ECE1: variants seen among roughly 807,000 people sequenced by gnomAD.
ECE1 encodes endothelin-converting enzyme 1.
A neutral mutation model predicts 98.6 loss-of-function variants in ECE1; 35 were observed. The observed-to-expected ratio is 0.35, with a 90% CI of 0.27 to 0.47. The LOEUF (loss-of-function observed/expected upper bound fraction) is 0.47. Ranked by LOEUF, ECE1 falls within the 20% of genes least tolerant of loss-of-function variation. ECE1 has a pLI of 1.00. For missense variants in ECE1, 814 were observed against 1,025.3 expected (o/e 0.79, Z 2.81); for synonymous variants, 394 against 407.1 (o/e 0.97, Z 0.39).
chr1:21,334,163 T>C (rs549918440), intron 1 of ECE1, among the ~76,000 whole-genome samples: 1 of 152,276 alleles, frequency 6.6e-6, no homozygotes, highest in South Asian at 2.1e-4. Flanking sequence ...GTCTAAGTCC[T>C]GCCTCTAACC....
At chr1:21,271,209 C>T (rs545405965) in intron 4 of ECE1, among the ~76,000 whole-genome samples, 17 of 152,230 alleles carry the variant, frequency 1.1e-4, no homozygotes, top group East Asian at 1.9e-4. Flanking sequence ...CAGGAGCTGT[C>T]GGAGGCCAGG....
chr1:21,242,960 C>T (rs577261313), intron 10 of ECE1, among the ~76,000 whole-genome samples: 2 of 152,280 alleles, frequency 1.3e-5, no homozygotes, highest in African/African-American at 4.8e-5. Context: ...ACTTTTTTAT[C>T]TTGCAAATCT....
chr1:21,280,450 G>C (rs1008984862), intron 2 of ECE1, among the ~76,000 whole-genome samples: 2 of 152,170 alleles, frequency 1.3e-5, no homozygotes, highest in African/African-American at 4.8e-5. Context: ...AGAATAAGTA[G>C]GAGCTGGCCA....
chr1:21,233,503 G>A lies in ECE1; in HGVS notation c.1670+55C>T. On this transcript the variant is annotated intron_variant, in intron 14 of 18. Transcript: ENST00000374893. The surrounding 1 kb of genome is among the most constrained non-coding windows in gnomAD (Gnocchi z 4.0). Reference sequence around the variant, plus strand: ...GCAATGAAGGCCAGTTCGTCCCAAGGCTTGCCCACAGGTGGGGAGCTGGCA... The same window carrying A: ...GCAATGAAGGCCAGTTCGTCCCAAGACTTGCCCACAGGTGGGGAGCTGGCA... The A allele has an allele frequency of 6.5e-7, 1 of 1,549,428 alleles. No homozygotes were observed. The highest frequency in any genetic ancestry group is 1.7e-5 in the Admixed American group (1 of 59,534).
chr1:21,288,979 G>C (rs1558416116), intron 2 of ECE1, among the ~76,000 whole-genome samples: 1 of 152,106 alleles, frequency 6.6e-6, no homozygotes, highest in Non-Finnish European at 1.5e-5. Flanking sequence ...GGGTCCCCTG[G>C]GCCTATGTGA....
At chr1:21,279,628 T>C (rs1569630926) in intron 2 of ECE1, 1 of 1,426,456 alleles carries the variant, frequency 7.0e-7, no homozygotes, top group East Asian at 2.5e-5. Flanking sequence ...CTTTTCCCTG[T>C]TTCTCCAGTG....
At chr1:21,221,494 C>T (rs1198226829) in intron 18 of ECE1, among the ~76,000 whole-genome samples, 2 of 152,126 alleles carry the variant, frequency 1.3e-5, no homozygotes, top group Non-Finnish European at 2.9e-5. Flanking sequence ...TTTAAGAAAC[C>T]TCTAGAACCC....
In ECE1 at chr1:21,227,972, G is replaced by T. The variant is rs756193202; in HGVS notation, c.1740C>A (p.Ala580=). 1.6e-5 allele frequency: 25 copies of T among 1,560,038 alleles called. No homozygotes were observed. The highest frequency in any genetic ancestry group is 1.9e-5 in the Non-Finnish European group (22 of 1,150,860). ...TGTAGAATGGTGCCTGCAGGATCCC[G>T]GCCGGAAACACAATCTCATTCTTGG... ...SPTKNEIVFP[A]GILQAPFYTR... The change falls in exon 15 of 19, where the codon GCC becomes GCA. Residue 580 remains alanine, a synonymous_variant. Transcript: ENST00000374893.
At chr1:21,309,221 C>T (rs916067495) in intron 1 of ECE1, among the ~76,000 whole-genome samples, 3 of 152,198 alleles carry the variant, frequency 2.0e-5, no homozygotes, top group Non-Finnish European at 4.4e-5. Flanking sequence ...GAACCCTGGG[C>T]TGGAGTCAGG....
intron 1 of ECE1, among the ~76,000 whole-genome samples, chr1:21,297,095 G>A (rs540143015): frequency 6.6e-6 from 1 of 152,222 alleles, no homozygotes; most frequent in African/African-American, 2.4e-5. Flanking sequence ...GCGTGGCCCC[G>A]AGTCCCAGGG....
intron 10 of ECE1, among the ~76,000 whole-genome samples, chr1:21,241,964 C>T (rs1173208743): frequency 2.0e-5 from 3 of 152,174 alleles, no homozygotes; most frequent in African/African-American, 7.2e-5. Context: ...GACCTGGCTG[C>T]AATTTTTTTT....
At chr1:21,338,854 G>A (rs1569791288) in intron 1 of ECE1, among the ~76,000 whole-genome samples, 1 of 152,182 alleles carries the variant, frequency 6.6e-6, no homozygotes, top group East Asian at 1.9e-4. Flanking sequence ...GGTAAATATT[G>A]ACATGACTGT....
chr1:21,250,279 T>C (rs1162579592), intron 8 of ECE1, among the ~76,000 whole-genome samples: 3 of 152,190 alleles, frequency 2.0e-5, no homozygotes, highest in Non-Finnish European at 4.4e-5. Flanking sequence ...TATCCTCAAG[T>C]AAAGTTGCAT....
intron 4 of ECE1, among the ~76,000 whole-genome samples, chr1:21,263,906 AC>A (rs931220884): frequency 1.4e-4 from 22 of 152,182 alleles, no homozygotes; most frequent in African/African-American, 2.9e-4. Flanking sequence ...CTCAGGGAGC[AC>A]CTACTATCCT....
At chr1:21,264,967 G>A (rs967395626) in intron 4 of ECE1, among the ~76,000 whole-genome samples, 1 of 152,166 alleles carries the variant, frequency 6.6e-6, no homozygotes, top group African/African-American at 2.4e-5. Flanking sequence ...GATCGCTGCA[G>A]CTACAATCGC....
At chr1:21,264,317 C>CA (rs1182192989) in intron 4 of ECE1, among the ~76,000 whole-genome samples, 4 of 82,512 alleles carry the variant, frequency 4.8e-5, no homozygotes, top group Non-Finnish European at 7.4e-5. Flanking sequence ...ATTCCCCCCC[C>CA]CCCTTTTTTT....
chr1:21,315,249 C>T (rs58079814), intron 1 of ECE1, among the ~76,000 whole-genome samples: 10,727 of 152,236 alleles, frequency 0.07, 1,271 homozygotes, highest in African/African-American at 0.24. Context: ...CTGCTCATGT[C>T]CCAAGCAAAT....
chr1:21,270,793 A>AAGCCAGGGAGGTGATGTAATTG (rs1351495791), intron 4 of ECE1, among the ~76,000 whole-genome samples: 5 of 152,178 alleles, frequency 3.3e-5, no homozygotes, highest in African/African-American at 1.2e-4. Flanking sequence ...ATGAGAAAAC[A>AAGCCAGGGAGGTGATGTAATTG]AGCCAGGGAG....
intron 14 of ECE1, 107 bp from the exon 15 acceptor site, chr1:21,228,148 CA>C: frequency 1.2e-6 from 1 of 814,866 alleles, no homozygotes; most frequent in South Asian, 1.6e-5. Flanking sequence ...ATTAAAAATG[CA>C]GACTCTCCTT....
Sources: gnomAD v4.1 joint callset for allele counts (sites outside exome capture counted in the v4.1 genomes callset) on GRCh38, gnomAD v4.1.1 for gene constraint, Gnocchi (gnomAD v3.1) non-coding constraint, MANE v1.5 for transcripts, NCBI Gene and HGNC (gene_info 2026-07-23, HGNC 2026-07-21) for gene names.